Variants in RANBP2 observed in about 807,000 individuals in gnomAD.
The protein encoded by RANBP2 is E3 SUMO-protein ligase RanBP2.
A neutral mutation model predicts 303.6 loss-of-function variants in RANBP2; 57 were observed. The ratio of observed to expected loss-of-function variants is 0.19; its 90% CI spans 0.15 to 0.23. The LOEUF (loss-of-function observed/expected upper bound fraction) is 0.23. Ranked by LOEUF, RANBP2 falls within the 10% of genes least tolerant of loss-of-function variation. RANBP2 has a pLI of 1.00. For synonymous variants in RANBP2, 1,167 were observed against 1,301.5 expected (o/e 0.90, Z 2.23); for missense variants, 3,138 against 3,780.8 (o/e 0.83, Z 4.46).
the RANBP2 span, among the ~76,000 whole-genome samples, chr2:108,957,068 G>A: frequency 6.6e-6 from 1 of 152,228 alleles, no homozygotes; most frequent in Non-Finnish European, 1.5e-5. Context: ...GGAATTACAG[G>A]CGTGAGCCGC....
the RANBP2 span, among the ~76,000 whole-genome samples, chr2:109,037,917 C>T: frequency 3.3e-5 from 5 of 152,180 alleles, no homozygotes; most frequent in Admixed American, 3.3e-4. Context: ...CTCTTAAAAT[C>T]CCAGCAAGGT....
chr2:109,294,596 A>T, the RANBP2 span, among the ~76,000 whole-genome samples: 4 of 151,850 alleles, frequency 2.6e-5, no homozygotes, highest in Non-Finnish European at 4.4e-5. Context: ...AGGTAAAAAA[A>T]AAAAAAAGAA....
At chr2:109,708,752 G>A in the RANBP2 span, among the ~76,000 whole-genome samples, 2 of 151,994 alleles carry the variant, frequency 1.3e-5, no homozygotes, top group East Asian at 3.9e-4. Context: ...TGAGGCAGGT[G>A]ATCACCTGAG....
At chr2:109,409,298 T>C in the RANBP2 span, among the ~76,000 whole-genome samples, 1 of 152,168 alleles carries the variant, frequency 6.6e-6, no homozygotes, top group Non-Finnish European at 1.5e-5. Context: ...CAGCAAACGT[T>C]CTAAAGGAAG....
At chr2:108,810,413 A>G in the RANBP2 span, among the ~76,000 whole-genome samples, 1 of 152,198 alleles carries the variant, frequency 6.6e-6, no homozygotes, top group Non-Finnish European at 1.5e-5. Flanking sequence ...TCGTAAGGTA[A>G]TTATATTTCA....
the RANBP2 span, chr2:108,839,118 G>A: frequency 6.9e-7 from 1 of 1,440,786 alleles, no homozygotes; most frequent in Non-Finnish European, 9.2e-7. Flanking sequence ...GGAAAATTGT[G>A]GTAATTGATT....
At chr2:109,460,174 G>A in the RANBP2 span, among the ~76,000 whole-genome samples, 2 of 152,252 alleles carry the variant, frequency 1.3e-5, no homozygotes, top group African/African-American at 2.4e-5. Context: ...GTGGAATACC[G>A]TGATGGTGGT....
the RANBP2 span, among the ~76,000 whole-genome samples, chr2:109,270,151 G>A: frequency 6.6e-6 from 1 of 152,222 alleles, no homozygotes; most frequent in Non-Finnish European, 1.5e-5. Context: ...CCCCACCTGG[G>A]GGTGTTGGAG....
chr2:109,205,535 A>T, the RANBP2 span, among the ~76,000 whole-genome samples: 4 of 152,310 alleles, frequency 2.6e-5, no homozygotes, highest in South Asian at 2.1e-4. Context: ...CAGGTGAACC[A>T]CTGTGCCCCG....
At chr2:109,341,425 A>G in the RANBP2 span, among the ~76,000 whole-genome samples, 1 of 152,214 alleles carries the variant, frequency 6.6e-6, no homozygotes, top group Admixed American at 6.5e-5. Flanking sequence ...GTGCTTTTCA[A>G]AGATGACAGC....
chr2:109,595,206 A>G, the RANBP2 span, among the ~76,000 whole-genome samples: 1 of 152,114 alleles, frequency 6.6e-6, no homozygotes, highest in Non-Finnish European at 1.5e-5. Context: ...TTCAAATCCT[A>G]AGTTTTTCCA....
the RANBP2 span, among the ~76,000 whole-genome samples, chr2:109,134,262 T>C: frequency 6.6e-6 from 1 of 152,206 alleles, no homozygotes; most frequent in Non-Finnish European, 1.5e-5. Flanking sequence ...TCCGCCCTTC[T>C]GTCCAGTTTG....
At chr2:109,540,665 A>T in the RANBP2 span, among the ~76,000 whole-genome samples, 1 of 150,192 alleles carries the variant, frequency 6.7e-6, no homozygotes, top group East Asian at 1.9e-4. Flanking sequence ...AAAAAAGGAA[A>T]AAAAAAAAAA....
Position 108,752,617 on chromosome 2 carries a change from C to CAA in RANBP2, c.1756-363_1756-362dup, listed in dbSNP as rs1247816984. Reference sequence around the variant, plus strand: ...TGAAACCCCGTCTCTACTAAAAATACAAAAAAAAAAAAAAAAAAAGAAAAA... The same window carrying CAA: ...TGAAACCCCGTCTCTACTAAAAATACAAAAAAAAAAAAAAAAAAAAAGAAAAA... On this transcript the variant is annotated intron_variant, in intron 12 of 28. Coordinates refer to ENST00000283195, the MANE Select transcript of RANBP2 (RefSeq NM_006267.5). Among the ~76,000 whole-genome samples, 242 of 40,640 alleles carry CAA rather than the reference C, an allele frequency of 6.0e-3. 8 individuals carry two copies. Among genetic ancestry groups the CAA allele is most frequent in the African/African-American group, 6.6e-3 (65 of 9,888 alleles). 26.7% of individuals were successfully genotyped at this position (40,640 alleles called of 152,430 possible). A position where few individuals can be genotyped will look rare whatever the true frequency, so the allele number is the denominator to read the frequency against.
the RANBP2 span, among the ~76,000 whole-genome samples, chr2:109,381,981 A>G: frequency 6.6e-6 from 1 of 152,110 alleles, no homozygotes; most frequent in African/African-American, 2.4e-5. Flanking sequence ...GGCTCTTTCC[A>G]TCAACAGGTG....
chr2:108,795,230 C>T, the RANBP2 span, among the ~76,000 whole-genome samples: 36 of 142,122 alleles, frequency 2.5e-4, no homozygotes, highest in South Asian at 2.3e-3. Flanking sequence ...TCTTGGCTCA[C>T]TGCGGCCTCC....
At chr2:108,793,585 CT>C in the RANBP2 span, among the ~76,000 whole-genome samples, 1 of 151,148 alleles carries the variant, frequency 6.6e-6, no homozygotes, top group East Asian at 2.0e-4. Context: ...CCTCAGGAAA[CT>C]TTTTTTTGTT....
the RANBP2 span, among the ~76,000 whole-genome samples, chr2:109,369,349 A>G: frequency 6.6e-6 from 1 of 152,160 alleles, no homozygotes; most frequent in African/African-American, 2.4e-5. Flanking sequence ...CTCCGTCTAA[A>G]AAAAGAAAAA....
the RANBP2 span, among the ~76,000 whole-genome samples, chr2:109,410,801 G>A: frequency 3.9e-5 from 6 of 152,212 alleles, no homozygotes; most frequent in Non-Finnish European, 8.8e-5. Flanking sequence ...GCTGCTAGGC[G>A]CGACTTCGTG....
Sources: allele counts gnomAD v4.1 joint callset (sites outside exome capture counted in the v4.1 genomes callset), GRCh38; gene constraint gnomAD v4.1.1; transcripts MANE v1.5; gene names NCBI Gene and HGNC (gene_info 2026-07-23, HGNC 2026-07-21).